PACS1: variants seen among roughly 807,000 people sequenced by gnomAD.
PACS1 encodes PACS-1.
A neutral mutation model predicts 115.0 loss-of-function variants in PACS1; 24 were observed. The observed-to-expected ratio is 0.21, with a 90% CI of 0.15 to 0.29. PACS1 has a LOEUF of 0.29. Among genes scored for constraint, PACS1 ranks in the 10% least tolerant of loss-of-function variants. The pLI, the probability that PACS1 is intolerant of heterozygous loss-of-function variation, is 1.00. For synonymous variants in PACS1, 453 were observed against 504.5 expected (o/e 0.90, Z 1.37); for missense variants, 838 against 1,251.2 (o/e 0.67, Z 4.98).
chr11:66,142,025 G>T (rs1859003605), intron 1 of PACS1, among the ~76,000 whole-genome samples: 1 of 151,936 alleles, frequency 6.6e-6, no homozygotes, highest in African/African-American at 2.4e-5. Context: ...CTCTGGGCTG[G>T]TCTCAAACTC....
At chr11:66,113,113 G>T (rs923888286) in intron 1 of PACS1, among the ~76,000 whole-genome samples, 2 of 152,172 alleles carry the variant, frequency 1.3e-5, no homozygotes, top group African/African-American at 4.8e-5. Flanking sequence ...TCTTAAATAT[G>T]GTGGTGATTA....
chr11:66,132,353 C>G (rs778055371), intron 1 of PACS1, among the ~76,000 whole-genome samples: 2 of 152,086 alleles, frequency 1.3e-5, no homozygotes, highest in Non-Finnish European at 2.9e-5. Flanking sequence ...TGTGGAACTG[C>G]GAGTCAATTA....
chr11:66,230,145 A>G (rs1320129779), intron 11 of PACS1, among the ~76,000 whole-genome samples: 2 of 151,182 alleles, frequency 1.3e-5, no homozygotes, highest in Non-Finnish European at 3.0e-5. Flanking sequence ...TAAAAAAAAA[A>G]AAAAAAAAGA....
intron 1 of PACS1, among the ~76,000 whole-genome samples, chr11:66,118,769 C>CAAAA (rs397945291): frequency 8.3e-3 from 673 of 80,878 alleles, no homozygotes; most frequent in Non-Finnish European, 9.6e-3. Flanking sequence ...CCCATGTCTA[C>CAAAA]AAAAAAAAAA....
intron 2 of PACS1, among the ~76,000 whole-genome samples, chr11:66,198,588 TA>T (rs949492265): frequency 3.4e-5 from 5 of 145,326 alleles, no homozygotes; most frequent in African/African-American, 1.0e-4. Flanking sequence ...TGCCAGGGGT[TA>T]GGGGTGGGGG....
intron 9 of PACS1, 141 bp downstream of exon 9, chr11:66,220,932 G>C (rs2134718437): frequency 9.4e-7 from 1 of 1,067,132 alleles, no homozygotes; most frequent in African/African-American, 1.6e-5. Flanking sequence ...TCTTGGAGAA[G>C]GTCACTGTTT....
intron 1 of PACS1, among the ~76,000 whole-genome samples, chr11:66,088,528 A>G (rs747591793): frequency 6.6e-6 from 1 of 152,192 alleles, no homozygotes. Flanking sequence ...ACTGCACTGC[A>G]TTATCACCTT....
At chr11:66,194,356 A>G (rs945173137) in intron 2 of PACS1, among the ~76,000 whole-genome samples, 1 of 152,238 alleles carries the variant, frequency 6.6e-6, no homozygotes, top group Non-Finnish European at 1.5e-5. Context: ...TTTTATCTCT[A>G]TATAAATCCC....
At chr11:66,079,182 G>A (rs1857440938) in intron 1 of PACS1, among the ~76,000 whole-genome samples, 1 of 152,132 alleles carries the variant, frequency 6.6e-6, no homozygotes, top group East Asian at 1.9e-4. Flanking sequence ...CCACCGCCCA[G>A]CCTCTTTTCA....
At chr11:66,155,329 A>C (rs61890288) in intron 1 of PACS1, among the ~76,000 whole-genome samples, 19,564 of 152,214 alleles carry the variant, frequency 0.13, 1,664 homozygotes, top group Admixed American at 0.26. Context: ...AATGAAGAAA[A>C]TGTACAATAT....
At position 66,166,469 on chromosome 11, in the gene PACS1, C is replaced by T. The variant is rs534922792; in HGVS notation, c.357-27017C>T. The stretch of plus-strand genomic sequence containing the variant: ...GCCTGATGTCACATCTTACAGCTGT[C>T]GTCATTTGCCATGCACTAGACATCC... On this transcript the variant is annotated intron_variant, in intron 1 of 23. Transcript: ENST00000320580. 4.9e-5 allele frequency among the ~76,000 whole-genome samples: 7 copies of T among 142,348 alleles called. 1 individual carries two copies. Among genetic ancestry groups the T allele is most frequent in the South Asian group, 4.1e-4 (2 of 4,820 alleles). The allele number at this position is 142,348 out of a possible 152,430, so 93.4% of individuals were successfully genotyped here.
chr11:66,075,738 C>CTT (rs756089252), intron 1 of PACS1, among the ~76,000 whole-genome samples: 63 of 134,120 alleles, frequency 4.7e-4, no homozygotes, highest in African/African-American at 5.5e-4. Context: ...ATTAAAAGTC[C>CTT]TTTTTTTTTT....
intron 11 of PACS1, 88 bp from the exon 12 acceptor site, chr11:66,230,460 T>G: frequency 2.4e-6 from 2 of 833,210 alleles, no homozygotes; most frequent in Non-Finnish European, 2.0e-6. Context: ...CTCTTCAGGA[T>G]GGTGATGGGG....
intron 1 of PACS1, among the ~76,000 whole-genome samples, chr11:66,078,420 G>A (rs973059495): frequency 1.3e-5 from 2 of 152,130 alleles, no homozygotes; most frequent in Non-Finnish European, 2.9e-5. Flanking sequence ...CACATTAGTG[G>A]TTATGTGATT....
rs1390615741 is a variant in PACS1, at chr11:66,136,272, C to CAA, written c.357-57213_357-57212insAA. Reference sequence around the variant, plus strand: ...CTGCCCAATCCCGCTAACACACACACACACACACACACACGCCAAGAATGT... The same window carrying CAA: ...CTGCCCAATCCCGCTAACACACACACAAACACACACACACACGCCAAGAATGT... On this transcript the variant is annotated intron_variant, in intron 1 of 23. Coordinates refer to ENST00000320580, the MANE Select transcript of PACS1 (RefSeq NM_018026.4). Among the ~76,000 whole-genome samples the CAA allele has an allele frequency of 2.0e-5, 3 of 150,642 alleles. No homozygotes were observed. In the East Asian group the frequency reaches 5.8e-4, roughly 29 times the overall value.
intron 1 of PACS1, among the ~76,000 whole-genome samples, chr11:66,155,008 C>T (rs1453316276): frequency 1.3e-5 from 2 of 152,142 alleles, no homozygotes; most frequent in East Asian, 1.9e-4. Flanking sequence ...TGATTTGCAG[C>T]AAAGGTCCTG....
At chr11:66,133,754 C>T (rs1858759379) in intron 1 of PACS1, among the ~76,000 whole-genome samples, 1 of 152,220 alleles carries the variant, frequency 6.6e-6, no homozygotes, top group Admixed American at 6.5e-5. Flanking sequence ...ATCCTCCTAT[C>T]TCAACCCCCC....
At chr11:66,083,362 T>C (rs770769811) in intron 1 of PACS1, among the ~76,000 whole-genome samples, 24 of 152,220 alleles carry the variant, frequency 1.6e-4, no homozygotes, top group Non-Finnish European at 3.4e-4. Context: ...TTATTACTTG[T>C]AGGTAGTCCT....
Position 66,070,491 on chromosome 11 carries a change from C to T in PACS1, c.5C>T (p.Ala2Val). Reference protein sequence around the residue: MAERGGAGGGPG... With the variant: MVERGGAGGGPG... ...TAACCCCCGCCTAGCCGGGCCATGG[C>T]GGAACGCGGAGGGGCGGGCGGTGGT... Residue 2 changes from alanine (A) to valine (V), a missense_variant, in exon 1 of 24, where the codon GCG becomes GTG. Physicochemically the swap from Ala to Val is moderately conservative, Grantham distance 64. Transcript: ENST00000320580. The surrounding 1 kb of genome is among the most constrained non-coding windows in gnomAD (Gnocchi z 5.9). 7.8e-7 allele frequency: 1 copy of T among 1,286,702 alleles called. No individual in the cohort carries two copies. Among genetic ancestry groups the T allele is most frequent in the Non-Finnish European group, 9.8e-7 (1 of 1,023,352 alleles). 79.7% of individuals were successfully genotyped at this position (1,286,702 alleles called of 1,614,324 possible). A position where few individuals can be genotyped will look rare whatever the true frequency, so the allele number is the denominator to read the frequency against.
Sources: allele counts gnomAD v4.1 joint callset (sites outside exome capture counted in the v4.1 genomes callset), GRCh38; gene constraint gnomAD v4.1.1; non-coding constraint Gnocchi (gnomAD v3.1); transcripts MANE v1.5; gene names NCBI Gene and HGNC (gene_info 2026-07-23, HGNC 2026-07-21).